Variants in IL1RAPL2 observed in about 807,000 individuals in gnomAD.
IL1RAPL2 encodes interleukin 1 receptor accessory protein like 2.
A neutral mutation model predicts 44.1 loss-of-function variants in IL1RAPL2; 3 were observed. The ratio of observed to expected loss-of-function variants is 0.07; its 90% CI spans 0.03 to 0.18. IL1RAPL2 has a LOEUF of 0.18. IL1RAPL2 is among the 10% of genes least tolerant of loss of function. IL1RAPL2 has a pLI of 1.00. For missense variants in IL1RAPL2, 391 were observed against 496.4 expected, an observed-to-expected ratio of 0.79 and a Z score of 2.02; for synonymous variants, 181 against 178.8, an observed-to-expected ratio of 1.01 and a Z score of -0.10.
At chrX:104,980,883 A>G (rs2030423594) in intron 2 of IL1RAPL2, among the ~76,000 whole-genome samples, 2 of 111,339 alleles carry the variant, frequency 1.8e-5, no homozygotes, top group Non-Finnish European at 3.8e-5. Flanking sequence ...ATAGCATTGA[A>G]TCTATAAATT....
At chrX:105,453,278 A>G (rs1393169257) in intron 5 of IL1RAPL2, among the ~76,000 whole-genome samples, 2 of 112,210 alleles carry the variant, frequency 1.8e-5, no homozygotes, top group African/African-American at 6.5e-5. Flanking sequence ...ATATTGGCTA[A>G]TGGTAAGGAT....
At chrX:105,648,239 G>T (rs2037619926) in intron 6 of IL1RAPL2, among the ~76,000 whole-genome samples, 1 of 111,206 alleles carries the variant, frequency 9.0e-6, no homozygotes, top group Non-Finnish European at 1.9e-5. Flanking sequence ...ATATACAAAA[G>T]GGAATCAGGA....
chrX:105,708,662 T>C (rs1241155465), intron 6 of IL1RAPL2, among the ~76,000 whole-genome samples: 3 of 112,036 alleles, frequency 2.7e-5, no homozygotes, highest in Non-Finnish European at 5.6e-5. Flanking sequence ...ACTACTCTCT[T>C]GTCTAGCTGC....
chrX:104,932,446 A>G (rs1361178437), intron 2 of IL1RAPL2, among the ~76,000 whole-genome samples: 1 of 111,860 alleles, frequency 8.9e-6, no homozygotes, highest in Non-Finnish European at 1.9e-5. Context: ...AGATCTTTCA[A>G]GTTCATTATT....
chrX:104,614,649 G>C (rs933232963), intron 1 of IL1RAPL2, among the ~76,000 whole-genome samples: 9 of 111,875 alleles, frequency 8.0e-5, no homozygotes, highest in Non-Finnish European at 1.7e-4. Context: ...TTATTGTGTG[G>C]CTAAGTCTTT....
At chrX:105,118,472 G>A (rs1298122196) in intron 2 of IL1RAPL2, among the ~76,000 whole-genome samples, 3 of 112,193 alleles carry the variant, frequency 2.7e-5, no homozygotes, top group African/African-American at 6.5e-5. Context: ...GTAAATTGAG[G>A]CCAATTTGTG....
chrX:105,351,503 C>A lies in IL1RAPL2; in HGVS notation c.697+83962C>A, dbSNP rs745842950. ...CAGGGACATGGATGAAGCTGGAAAC[C>A]ATCATTCTCAGCAAACTAACACAAG... On this transcript the variant is annotated intron_variant, in intron 5 of 10. Transcript: ENST00000372582. Among the ~76,000 whole-genome samples, 96 of 110,703 alleles carry A rather than the reference C, an allele frequency of 8.7e-4. 2 individuals carry two copies. The highest frequency in any genetic ancestry group is 7.6e-3 in the Admixed American group (79 of 10,365).
chrX:104,573,953 A>G (rs1473467351), intron 1 of IL1RAPL2, among the ~76,000 whole-genome samples: 1 of 111,750 alleles, frequency 8.9e-6, no homozygotes, highest in African/African-American at 3.2e-5. Context: ...CACTATTTAA[A>G]CCAAAGTTAA....
At chrX:105,468,804 A>G (rs1179400837) in intron 5 of IL1RAPL2, among the ~76,000 whole-genome samples, 6 of 111,882 alleles carry the variant, frequency 5.4e-5, no homozygotes, top group Non-Finnish European at 1.1e-4. Flanking sequence ...TGTGACTTAG[A>G]TGACATATAA....
At chrX:105,040,816 T>G (rs1189452730) in intron 2 of IL1RAPL2, among the ~76,000 whole-genome samples, 3 of 106,516 alleles carry the variant, frequency 2.8e-5, no homozygotes, top group Non-Finnish European at 5.8e-5. Context: ...TTGTTGATCC[T>G]TTCAAAAAAC....
chrX:105,345,446 G>A (rs923701741), intron 5 of IL1RAPL2, among the ~76,000 whole-genome samples: 4 of 111,696 alleles, frequency 3.6e-5, no homozygotes, highest in Admixed American at 9.6e-5. Context: ...AGATGAGGTC[G>A]TGTTAATATG....
At chrX:104,933,270 AG>A (rs1924950333) in intron 2 of IL1RAPL2, among the ~76,000 whole-genome samples, 1 of 111,338 alleles carries the variant, frequency 9.0e-6, no homozygotes, top group Non-Finnish European at 1.9e-5. Context: ...AAATATAATA[AG>A]AAAAAGAAGA....
chrX:104,887,885 C>A (rs1324444550), intron 2 of IL1RAPL2, among the ~76,000 whole-genome samples: 1 of 111,656 alleles, frequency 9.0e-6, no homozygotes, highest in Non-Finnish European at 1.9e-5. Flanking sequence ...AGCCTCTTCC[C>A]CCAGGGACCA....
intron 6 of IL1RAPL2, among the ~76,000 whole-genome samples, chrX:105,698,189 CATT>C (rs1041549259): frequency 4.5e-5 from 5 of 111,115 alleles, no homozygotes; most frequent in East Asian, 2.9e-4. Context: ...TCATTATCAT[CATT>C]ATTATTATCT....
intron 6 of IL1RAPL2, among the ~76,000 whole-genome samples, chrX:105,567,059 T>C (rs1291632730): frequency 3.6e-5 from 4 of 111,430 alleles, no homozygotes; most frequent in Non-Finnish European, 7.5e-5. Flanking sequence ...GAAATGGAGA[T>C]AGAGATCAGA....
chrX:105,215,899 T>C (rs1200822220), intron 3 of IL1RAPL2, among the ~76,000 whole-genome samples: 4 of 111,545 alleles, frequency 3.6e-5, no homozygotes, highest in Non-Finnish European at 7.5e-5. Context: ...AGTCCTTCAA[T>C]AAAATTCAAC....
chrX:104,880,761 A>G (rs778285492), intron 2 of IL1RAPL2, among the ~76,000 whole-genome samples: 9 of 112,586 alleles, frequency 8.0e-5, no homozygotes, highest in Non-Finnish European at 5.6e-5. Context: ...ATAGAATTGT[A>G]GTATCTTACA....
At chrX:104,821,697 A>T (rs59072248) in intron 2 of IL1RAPL2, among the ~76,000 whole-genome samples, 1,294 of 112,141 alleles carry the variant, frequency 0.012, 14 homozygotes, top group African/African-American at 0.04. Flanking sequence ...ATAGTGTTAC[A>T]ACAAAAATAC....
rs2034557980 is a variant in IL1RAPL2, at chrX:105,284,746, G to T, written c.697+17205G>T. 9.9e-5 allele frequency among the ~76,000 whole-genome samples: 11 copies of T among 111,378 alleles called. No individual in the cohort carries two copies. The Admixed American group carries it at 1.1e-3, about 11-fold the overall frequency. On this transcript the variant is annotated intron_variant, in intron 5 of 10. Coordinates refer to ENST00000372582, the MANE Select transcript of IL1RAPL2 (RefSeq NM_017416.2). Reference sequence around the variant, plus strand: ...CTCAGCAAGGTTAAGTAACTTGCCCGGGTCACACAGCTAATGAGGAACTGA... The same window carrying T: ...CTCAGCAAGGTTAAGTAACTTGCCCTGGTCACACAGCTAATGAGGAACTGA...
Sources: allele counts gnomAD v4.1 joint callset (sites outside exome capture counted in the v4.1 genomes callset), GRCh38; gene constraint gnomAD v4.1.1; transcripts MANE v1.5; gene names NCBI Gene and HGNC (gene_info 2026-07-23, HGNC 2026-07-21).